Variants in KCNH8 observed in about 807,000 individuals in gnomAD.
KCNH8 encodes the protein voltage-gated delayed rectifier potassium channel KCNH8.
KCNH8 carries 70 observed loss-of-function variants against 103.6 expected under a neutral mutation model. The ratio of observed to expected loss-of-function variants is 0.68; its 90% CI spans 0.56 to 0.82. The LOEUF is 0.82. KCNH8 is among the 40% of genes least tolerant of loss of function. The pLI is 0.00. For missense variants in KCNH8, 1,217 were observed against 1,329.9 expected (o/e 0.92, Z 1.32); for synonymous variants, 498 against 489.4 (o/e 1.02, Z -0.23).
Position 19,363,146 on chromosome 3 carries a change from G to T in KCNH8, c.811+15181G>T, listed in dbSNP as rs115269960. 7.2e-3 allele frequency among the ~76,000 whole-genome samples: 1,090 copies of T among 152,204 alleles called. 5 individuals carry two copies. The highest frequency in any genetic ancestry group is 0.013 in the Non-Finnish European group (874 of 68,010). On this transcript the variant is annotated intron_variant, in intron 5 of 15. Coordinates refer to ENST00000328405, the MANE Select transcript of KCNH8 (RefSeq NM_144633.3). ...TTTTTCAGGTACTTATGCAGACTTG[G>T]CTCAGCATCTTTCTGAAAAGCCAAG...
intron 7 of KCNH8, among the ~76,000 whole-genome samples, chr3:19,425,640 C>G (rs952302854): frequency 9.2e-5 from 14 of 152,154 alleles, no homozygotes; most frequent in African/African-American, 3.4e-4. Context: ...TGAAGGTAAA[C>G]TTGACTGGGA....
intron 11 of KCNH8, among the ~76,000 whole-genome samples, chr3:19,474,642 G>A (rs1001350545): frequency 2.0e-5 from 3 of 152,136 alleles, no homozygotes; most frequent in Non-Finnish European, 4.4e-5. Flanking sequence ...CCAGGTCATT[G>A]AAGAAAATAA....
In KCNH8 at chr3:19,212,372, AG is replaced by A. The variant is rs200874359; in HGVS notation, c.77-41281del. On this transcript the variant is annotated intron_variant, in intron 1 of 15. Coordinates refer to ENST00000328405, the MANE Select transcript of KCNH8 (RefSeq NM_144633.3). ...TACCTGGCAACTCTCTTGATCTTCA[AG>A]CCCCAACGTGAATACCAGCTTTATC... Among the ~76,000 whole-genome samples the A allele has an allele frequency of 1.6e-4, 25 of 152,288 alleles. No homozygotes were observed. In the East Asian group the frequency reaches 4.6e-3, roughly 28 times the overall value.
intron 3 of KCNH8, among the ~76,000 whole-genome samples, chr3:19,313,414 T>C (rs370879917): frequency 6.6e-6 from 1 of 151,932 alleles, no homozygotes; most frequent in East Asian, 1.9e-4. Context: ...AGCTACAGTA[T>C]AAAATAATTG....
chr3:19,166,585 C>A (rs1301877725), intron 1 of KCNH8, among the ~76,000 whole-genome samples: 1 of 152,128 alleles, frequency 6.6e-6, no homozygotes, highest in Non-Finnish European at 1.5e-5. Context: ...AAAAAACTCG[C>A]CTGCCTCATT....
intron 11 of KCNH8, among the ~76,000 whole-genome samples, chr3:19,480,352 C>T (rs2068062953): frequency 6.6e-6 from 1 of 152,140 alleles, no homozygotes; most frequent in African/African-American, 2.4e-5. Context: ...GCATTAGCAT[C>T]CCATAAAAGG....
intron 2 of KCNH8, among the ~76,000 whole-genome samples, chr3:19,273,103 A>C (rs1306918234): frequency 6.6e-6 from 1 of 152,178 alleles, no homozygotes; most frequent in Non-Finnish European, 1.5e-5. Flanking sequence ...GATCCTCATA[A>C]CAATGTTGAG....
intron 3 of KCNH8, among the ~76,000 whole-genome samples, chr3:19,304,264 A>G (rs2065100753): frequency 6.6e-6 from 1 of 152,198 alleles, no homozygotes; most frequent in Admixed American, 6.5e-5. Context: ...AATACGACGC[A>G]TTCCACACAT....
rs192627517 is a variant in KCNH8 at position 19,253,906 on chromosome 3, G to A, written c.310+19G>A. ...AAAAACGGTGAGTTGGCTTTCTTTC[G>A]TGCTCACTGGAGAGTAGTGAGAGGC... On this transcript the variant is annotated intron_variant, in intron 2 of 15. Transcript: ENST00000328405. 2.6e-5 allele frequency: 41 copies of A among 1,558,168 alleles called. No individual in the cohort carries two copies. The East Asian group carries it at 4.5e-4, about 17-fold the overall frequency.
chr3:19,445,046 T>C (rs1355862441), intron 8 of KCNH8, among the ~76,000 whole-genome samples: 2 of 151,856 alleles, frequency 1.3e-5, no homozygotes, highest in Non-Finnish European at 2.9e-5. Context: ...TATAAAAGCA[T>C]TTTTGTAAGA....
chr3:19,323,239 A>G (rs1184058924), intron 3 of KCNH8, among the ~76,000 whole-genome samples: 3 of 152,008 alleles, frequency 2.0e-5, no homozygotes, highest in Non-Finnish European at 4.4e-5. Flanking sequence ...CACAAGGTCA[A>G]GAGATCGAGA....
At chr3:19,393,213 C>T (rs1446467872) in intron 6 of KCNH8, among the ~76,000 whole-genome samples, 1 of 151,980 alleles carries the variant, frequency 6.6e-6, no homozygotes. Flanking sequence ...TTTTCAGATA[C>T]ATATTTCCAT....
In KCNH8 at chr3:19,285,391, A is replaced by G. The variant is rs569734775; in HGVS notation, c.442+4062A>G. Among the ~76,000 whole-genome samples, 62 of 152,256 alleles carry G rather than the reference A, an allele frequency of 4.1e-4. 1 individual carries two copies. Among genetic ancestry groups the G allele is most frequent in the Non-Finnish European group, 1.0e-4 (7 of 68,018 alleles). ...TCCTTCTAGAAGCTGCTACTGTCTC[A>G]GGAACTGAGTTTCCTCATCTATAAA... On this transcript the variant is annotated intron_variant, in intron 3 of 15. Transcript: ENST00000328405.
chr3:19,172,552 C>A (rs983489495), intron 1 of KCNH8, among the ~76,000 whole-genome samples: 2 of 152,206 alleles, frequency 1.3e-5, no homozygotes, highest in African/African-American at 4.8e-5. Flanking sequence ...CTGTTGTCAT[C>A]TTTGTCATCA....
chr3:19,380,957 A>C (rs1359685983), intron 5 of KCNH8, among the ~76,000 whole-genome samples: 1 of 152,240 alleles, frequency 6.6e-6, no homozygotes, highest in Non-Finnish European at 1.5e-5. Context: ...TGCTTAAGTG[A>C]GAATCTATTT....
chr3:19,467,852 C>T (rs556518482), intron 11 of KCNH8, among the ~76,000 whole-genome samples: 1 of 152,164 alleles, frequency 6.6e-6, no homozygotes, highest in African/African-American at 2.4e-5. Context: ...CCCAGCCTGC[C>T]TTTCAAAGTC....
intron 3 of KCNH8, among the ~76,000 whole-genome samples, chr3:19,298,942 A>G (rs1396785759): frequency 1.2e-4 from 18 of 151,236 alleles, no homozygotes; most frequent in Middle Eastern, 3.4e-3. Context: ...AAAAAAAAAA[A>G]AGAGAAACAA....
intron 15 of KCNH8, among the ~76,000 whole-genome samples, chr3:19,527,790 A>C (rs1264662025): frequency 2.0e-5 from 3 of 152,092 alleles, no homozygotes; most frequent in Non-Finnish European, 2.9e-5. Context: ...TTGTTTAACA[A>C]GAGCAAATGC....
rs116215200 is a variant in KCNH8 at position 19,379,728 on chromosome 3, A to G, written c.812-10753A>G. Among the ~76,000 whole-genome samples the G allele has an allele frequency of 1.6e-3, 250 of 152,316 alleles. 2 individuals carry two copies. The highest frequency in any genetic ancestry group is 5.7e-3 in the African/African-American group (238 of 41,564). On this transcript the variant is annotated intron_variant, in intron 5 of 15. Transcript: ENST00000328405. ...TCAAGCAACATGCTAGTGACAGCCA[A>G]ATATCACATTTGCATTACTCAATTT...
Sources: gnomAD v4.1 joint callset for allele counts (sites outside exome capture counted in the v4.1 genomes callset) on GRCh38, gnomAD v4.1.1 for gene constraint, MANE v1.5 for transcripts, NCBI Gene and HGNC (gene_info 2026-07-23, HGNC 2026-07-21) for gene names.